The following RPS6KA6 variants were observed in gnomAD, a reference collection of about 807,000 sequenced individuals.
The protein encoded by RPS6KA6 is ribosomal protein S6 kinase alpha-6.
A neutral mutation model predicts 65.4 loss-of-function variants in RPS6KA6; 27 were observed. The observed-to-expected ratio is 0.41, with a 90% CI of 0.30 to 0.57. The LOEUF (loss-of-function observed/expected upper bound fraction) is 0.57. Ranked by LOEUF, RPS6KA6 falls within the 20% of genes least tolerant of loss-of-function variation. The pLI is 0.24. For synonymous variants in RPS6KA6, 190 were observed against 184.2 expected (o/e 1.03, Z -0.26); for missense variants, 486 against 555.6 (o/e 0.87, Z 1.26).
intron 8 of RPS6KA6, among the ~76,000 whole-genome samples, chrX:84,127,515 A>T (rs753004008): frequency 9.9e-5 from 11 of 111,595 alleles, no homozygotes; most frequent in South Asian, 3.7e-4. Flanking sequence ...AGATAAGACA[A>T]CAAAAAACTA....
At chrX:84,119,370 G>A (rs890341776) in intron 9 of RPS6KA6, among the ~76,000 whole-genome samples, 4 of 111,644 alleles carry the variant, frequency 3.6e-5, no homozygotes, top group Non-Finnish European at 7.5e-5. Context: ...CAAATTCTAT[G>A]CTTAATCTCA....
At chrX:84,180,945 C>G (rs1215822368) in intron 1 of RPS6KA6, among the ~76,000 whole-genome samples, 3 of 111,679 alleles carry the variant, frequency 2.7e-5, no homozygotes, top group Non-Finnish European at 5.7e-5. Flanking sequence ...AACTGTCTTA[C>G]CAAGATGTTT....
chrX:84,085,443 G>T (rs2147371363), intron 20 of RPS6KA6, among the ~76,000 whole-genome samples: 1 of 111,983 alleles, frequency 8.9e-6, no homozygotes, highest in Non-Finnish European at 1.9e-5. Flanking sequence ...GATAATTGTG[G>T]TTTTTGTCTT....
chrX:84,125,472 T>C (rs997431492), intron 8 of RPS6KA6, among the ~76,000 whole-genome samples: 6 of 111,845 alleles, frequency 5.4e-5, no homozygotes, highest in African/African-American at 2.0e-4. Flanking sequence ...TGTTAAGTTT[T>C]CATCAGTTTA....
chrX:84,083,644 C>T (rs1311797129), intron 20 of RPS6KA6, among the ~76,000 whole-genome samples: 2 of 112,171 alleles, frequency 1.8e-5, no homozygotes, highest in Non-Finnish European at 3.8e-5. Flanking sequence ...GGGTTGATTC[C>T]ATGACTTTGC....
chrX:84,103,377 A>C (rs187908790), intron 17 of RPS6KA6, among the ~76,000 whole-genome samples: 2 of 111,412 alleles, frequency 1.8e-5, no homozygotes, highest in Admixed American at 1.9e-4. Flanking sequence ...AATAAAATGT[A>C]GGACTGGTAA....
At chrX:84,103,224 C>G (rs2034291351) in intron 17 of RPS6KA6, among the ~76,000 whole-genome samples, 1 of 110,965 alleles carries the variant, frequency 9.0e-6, no homozygotes, top group Non-Finnish European at 1.9e-5. Context: ...CCAAGATGAA[C>G]CATGCTAAAA....
At chrX:84,081,205 C>G (rs1034920620) in intron 20 of RPS6KA6, among the ~76,000 whole-genome samples, 5 of 110,902 alleles carry the variant, frequency 4.5e-5, no homozygotes, top group African/African-American at 1.6e-4. Flanking sequence ...AAAAGAATAA[C>G]AAAATAGACT....
intron 9 of RPS6KA6, among the ~76,000 whole-genome samples, chrX:84,118,081 T>TA (rs1009224587): frequency 3.1e-4 from 35 of 111,755 alleles, no homozygotes; most frequent in Non-Finnish European, 6.2e-4. Context: ...AATAATGGTA[T>TA]AAAAAAAGAC....
At chrX:84,153,220 G>A (rs1452977807) in intron 3 of RPS6KA6, among the ~76,000 whole-genome samples, 1 of 111,668 alleles carries the variant, frequency 9.0e-6, no homozygotes, top group Non-Finnish European at 1.9e-5. Flanking sequence ...TCATTTTTAA[G>A]TCCTGTACTT....
intron 20 of RPS6KA6, among the ~76,000 whole-genome samples, chrX:84,068,801 T>C (rs1458212711): frequency 9.0e-6 from 1 of 111,621 alleles, no homozygotes; most frequent in African/African-American, 3.3e-5. Context: ...AGCCAAATCA[T>C]AGTTAAATTC....
chrX:84,105,629 T>C (rs1333793122), intron 16 of RPS6KA6, among the ~76,000 whole-genome samples, 158 bp downstream of exon 16: 3 of 108,070 alleles, frequency 2.8e-5, no homozygotes, highest in Non-Finnish European at 3.9e-5. Context: ...TATAGAATCA[T>C]GGGAAAAAAA....
intron 8 of RPS6KA6, among the ~76,000 whole-genome samples, chrX:84,125,006 T>C (rs1347346051): frequency 1.8e-5 from 2 of 111,851 alleles, no homozygotes; most frequent in African/African-American, 6.5e-5. Flanking sequence ...GCATGACATA[T>C]TTAAAGTGCT....
Position 84,111,098 on chromosome X carries a change from T to C in RPS6KA6, c.1009-3373A>G, listed in dbSNP as rs756795742. ...AACATACTAGACCATGCATAAGAAA[T>C]AATTTTGAGCATGAGGGCTGGTCTT... is the stretch of plus-strand genomic sequence containing the variant. On this transcript the variant is annotated intron_variant, in intron 12 of 21. Transcript: ENST00000262752. 3.7e-4 allele frequency among the ~76,000 whole-genome samples: 40 copies of C among 107,713 alleles called. 1 individual carries two copies. Among genetic ancestry groups the C allele is most frequent in the Non-Finnish European group, 6.7e-4 (35 of 52,134 alleles). The allele number at this position is 107,713 out of a possible 115,157, so 93.5% of individuals were successfully genotyped here.
intron 12 of RPS6KA6, among the ~76,000 whole-genome samples, chrX:84,115,529 T>C (rs2034548739): frequency 8.9e-6 from 1 of 111,861 alleles, no homozygotes; most frequent in Admixed American, 9.5e-5. Flanking sequence ...TAGTACAACC[T>C]TTATGAAAAA....
chrX:84,130,655 A>G (rs1375231090), intron 8 of RPS6KA6, among the ~76,000 whole-genome samples: 2 of 112,000 alleles, frequency 1.8e-5, no homozygotes, highest in Non-Finnish European at 1.9e-5. Context: ...CCATAAAATG[A>G]AACACTACTT....
At chrX:84,170,714 C>T (rs1273797874) in intron 1 of RPS6KA6, among the ~76,000 whole-genome samples, 1 of 111,044 alleles carries the variant, frequency 9.0e-6, no homozygotes, top group African/African-American at 3.3e-5. Context: ...GAGAAAGAAA[C>T]CTACCAATTA....
At chrX:84,091,221 C>A (rs1042207418) in intron 20 of RPS6KA6, among the ~76,000 whole-genome samples, 4 of 112,192 alleles carry the variant, frequency 3.6e-5, no homozygotes, top group African/African-American at 1.3e-4. Flanking sequence ...TATGTAAAAT[C>A]TCACTGCTTA....
intron 8 of RPS6KA6, among the ~76,000 whole-genome samples, chrX:84,123,301 G>A (rs2034714151): frequency 8.9e-6 from 1 of 112,628 alleles, no homozygotes; most frequent in Non-Finnish European, 1.9e-5. Flanking sequence ...GATTCCTTCT[G>A]TTTGAGAAAA....
Sources: gnomAD v4.1 joint callset for allele counts (sites outside exome capture counted in the v4.1 genomes callset) on GRCh38, gnomAD v4.1.1 for gene constraint, MANE v1.5 for transcripts, NCBI Gene and HGNC (gene_info 2026-07-23, HGNC 2026-07-21) for gene names.